The following DUSP22 variants were observed in gnomAD, a reference collection of about 807,000 sequenced individuals.
DUSP22 encodes dual specificity phosphatase 22.
In DUSP22, 24 loss-of-function variants were observed where a neutral mutation model predicts 24.5. That is an observed-to-expected ratio of 0.98 (90% CI 0.71 to 1.38). The LOEUF is 1.38. DUSP22 is among the 40% of genes most tolerant of loss of function. The probability of loss-of-function intolerance (pLI) is 0.00; values close to 1 mark genes in which losing one functional copy is unlikely to be tolerated. For missense variants in DUSP22, 330 were observed against 269.2 expected, an observed-to-expected ratio of 1.23 and a Z score of -1.58; for synonymous variants, 160 against 106.4, an observed-to-expected ratio of 1.50 and a Z score of -3.10.
At chr6:302,789 T>C (rs1475715761) in intron 1 of DUSP22, among the ~76,000 whole-genome samples, 1 of 152,308 alleles carries the variant, frequency 6.6e-6, no homozygotes, top group African/African-American at 2.4e-5. Flanking sequence ...AGGAAGACTC[T>C]ATTCGAGACC....
At chr6:319,334 T>C (rs2127402655) in intron 3 of DUSP22, among the ~76,000 whole-genome samples, 1 of 152,426 alleles carries the variant, frequency 6.6e-6, no homozygotes, top group Admixed American at 6.5e-5. Flanking sequence ...GCTGTGTTCA[T>C]AGATGCATGT....
chr6:310,046 C>T (rs760413846), intron 2 of DUSP22, among the ~76,000 whole-genome samples: 10 of 152,290 alleles, frequency 6.6e-5, no homozygotes, highest in South Asian at 2.1e-4. Context: ...CTGCAACCTC[C>T]GCCTCCTGGG....
chr6:322,329 T>C (rs1389625068), intron 3 of DUSP22, among the ~76,000 whole-genome samples: 3 of 152,304 alleles, frequency 2.0e-5, no homozygotes, highest in African/African-American at 7.2e-5. Flanking sequence ...GAGACACACA[T>C]CTTTGTTACT....
chr6:315,491 C>T (rs1393038132), intron 3 of DUSP22, among the ~76,000 whole-genome samples: 2 of 152,302 alleles, frequency 1.3e-5, no homozygotes, highest in South Asian at 2.1e-4. Flanking sequence ...TGCCCCACTG[C>T]CTCTGTTCTC....
chr6:350,799 C>T lies in DUSP22; in HGVS notation c.*1848C>T, dbSNP rs769985782. ...TGAAATGTTGTTTTAATATTTGTTG[C>T]CAGTAATGTTCTTTCTTCACAGCCG... is the stretch of plus-strand genomic sequence containing the variant. On this transcript the variant is annotated 3_prime_UTR_variant, in exon 7 of 7. Coordinates refer to ENST00000419235, the MANE Select transcript of DUSP22 (RefSeq NM_001286555.3). The T allele has an allele frequency of 1.7e-5, 27 of 1,614,062 alleles. No homozygotes were observed. The highest frequency in any genetic ancestry group is 2.2e-5 in the Non-Finnish European group (26 of 1,179,984).
At chr6:348,471 A>G in intron 6 of DUSP22, 197 bp downstream of exon 6, 1 of 964,494 alleles carries the variant, frequency 1.0e-6, no homozygotes, top group Non-Finnish European at 1.5e-6. Context: ...ACAGGCGCCT[A>G]CCCTTTGTCA....
chr6:314,041 C>A (rs938816009), intron 3 of DUSP22, among the ~76,000 whole-genome samples: 1 of 152,294 alleles, frequency 6.6e-6, no homozygotes, highest in African/African-American at 2.4e-5. Context: ...TGTTTGGAGT[C>A]GGTGGGGAAT....
chr6:335,497 T>C (rs561206828), intron 4 of DUSP22, among the ~76,000 whole-genome samples: 9 of 152,420 alleles, frequency 5.9e-5, no homozygotes, highest in African/African-American at 2.2e-4. Flanking sequence ...TGTTGGGTTC[T>C]GTCTAAAGCA....
chr6:302,724 A>G (rs1328091064), intron 1 of DUSP22, among the ~76,000 whole-genome samples: 1 of 152,306 alleles, frequency 6.6e-6, no homozygotes, highest in African/African-American at 2.4e-5. Context: ...CCTAGTGATT[A>G]TAACTGTAGA....
intron 3 of DUSP22, among the ~76,000 whole-genome samples, chr6:323,935 C>G (rs1758727135): frequency 6.6e-6 from 1 of 152,304 alleles, no homozygotes; most frequent in African/African-American, 2.4e-5. Context: ...TCAGTGAGAG[C>G]AGATGGAGAG....
At chr6:317,707 T>C (rs1289324209) in intron 3 of DUSP22, among the ~76,000 whole-genome samples, 1 of 152,308 alleles carries the variant, frequency 6.6e-6, no homozygotes, top group African/African-American at 2.4e-5. Context: ...TGAGCTGGCC[T>C]GGGAGCCCAC....
intron 3 of DUSP22, among the ~76,000 whole-genome samples, chr6:319,055 A>G (rs1490621184): frequency 3.3e-5 from 5 of 152,268 alleles, no homozygotes; most frequent in African/African-American, 1.2e-4. Context: ...GGACCAGGCC[A>G]GACTCCTCAA....
At chr6:311,315 A>G (rs914089512) in intron 2 of DUSP22, among the ~76,000 whole-genome samples, 1 of 152,298 alleles carries the variant, frequency 6.6e-6, no homozygotes, top group African/African-American at 2.4e-5. Context: ...TGATCATTTA[A>G]AGGGACTCTT....
intron 1 of DUSP22, among the ~76,000 whole-genome samples, chr6:297,691 G>A (rs1581140434): frequency 6.6e-6 from 1 of 152,304 alleles, no homozygotes; most frequent in African/African-American, 2.4e-5. Context: ...ACTATTGAGG[G>A]TTCTTCCTCT....
intron 3 of DUSP22, among the ~76,000 whole-genome samples, chr6:323,319 C>G (rs1363103358): frequency 6.6e-6 from 1 of 152,300 alleles, no homozygotes; most frequent in African/African-American, 2.4e-5. Context: ...TCCCTCCTTT[C>G]AGTTATCACC....
chr6:342,409 G>A (rs942769485), intron 4 of DUSP22, among the ~76,000 whole-genome samples: 44 of 152,410 alleles, frequency 2.9e-4, no homozygotes, highest in Admixed American at 1.2e-3. Context: ...GGAGGGTGCC[G>A]TCCAGCTGCA....
At chr6:308,095 G>A (rs942002397) in intron 2 of DUSP22, among the ~76,000 whole-genome samples, 1 of 150,764 alleles carries the variant, frequency 6.6e-6, no homozygotes, top group African/African-American at 2.5e-5. Context: ...CAGTGTTAGG[G>A]TGCACATGAC....
At chr6:339,347 G>A (rs577912751) in intron 4 of DUSP22, among the ~76,000 whole-genome samples, 41 of 152,402 alleles carry the variant, frequency 2.7e-4, no homozygotes, top group Admixed American at 1.7e-3. Context: ...TAGGTGAGAT[G>A]ATATAAGTGA....
At chr6:333,618 A>G (rs1759233389) in intron 3 of DUSP22, among the ~76,000 whole-genome samples, 1 of 152,302 alleles carries the variant, frequency 6.6e-6, no homozygotes, top group African/African-American at 2.4e-5. Context: ...AGAGACTGAA[A>G]GCTCATGGTT....
Sources: gnomAD v4.1 joint callset for allele counts (sites outside exome capture counted in the v4.1 genomes callset) on GRCh38, gnomAD v4.1.1 for gene constraint, MANE v1.5 for transcripts, NCBI Gene and HGNC (gene_info 2026-07-23, HGNC 2026-07-21) for gene names.